The following MEF2D variants were observed in gnomAD, a reference collection of about 807,000 sequenced individuals.
MEF2D encodes the protein myocyte-specific enhancer factor 2D.
Under a neutral mutation model 59.3 loss-of-function variants are expected in MEF2D, and 10 were observed. The observed-to-expected ratio is 0.17, with a 90% CI of 0.10 to 0.29. MEF2D has a LOEUF of 0.29. MEF2D is among the 10% of genes least tolerant of loss of function. The pLI, the probability that MEF2D is intolerant of heterozygous loss-of-function variation, is 1.00. For synonymous variants in MEF2D, 305 were observed against 295.0 expected (o/e 1.03, Z -0.35); for missense variants, 508 against 699.4 (o/e 0.73, Z 3.09).
rs150050524 is a variant in MEF2D, at chr1:156,479,627, T to C, written c.566A>G (p.Asn189Ser). ...CTGGGGCAGGCCAGGAGACACACTG[T>C]TCCTCTGTAGTGCTGGCTGCTGGGG... Reference protein sequence around the residue: ...LSPQQPALQRNSVSPGLPQRP... With the variant: ...LSPQQPALQRSSVSPGLPQRP... Residue 189 changes from asparagine (N) to serine (S), a missense_variant, in exon 5 of 12, where the codon AAC becomes AGC. Coordinates refer to ENST00000348159, the MANE Select transcript of MEF2D (RefSeq NM_005920.4). The C allele has an allele frequency of 5.2e-6, 8 of 1,552,922 alleles. No homozygotes were observed. The highest frequency in any genetic ancestry group is 2.4e-5 in the East Asian group (1 of 41,338).
chr1:156,470,886 G>A (rs371744827), intron 9 of MEF2D, among the ~76,000 whole-genome samples: 1 of 152,162 alleles, frequency 6.6e-6, no homozygotes, highest in African/African-American at 2.4e-5. Flanking sequence ...TCCAAGTCAT[G>A]GAGAAAGCCA....
intron 6 of MEF2D, 38 bp from the exon 7 acceptor site, chr1:156,477,240 T>C (rs368965150): frequency 9.7e-6 from 15 of 1,541,378 alleles, no homozygotes; most frequent in Middle Eastern, 1.8e-4. Flanking sequence ...AGGAAAAACA[T>C]GGGCCTATCC....
At chr1:156,482,020 A>G (rs1672054606) in intron 3 of MEF2D, among the ~76,000 whole-genome samples, 1 of 152,278 alleles carries the variant, frequency 6.6e-6, no homozygotes, top group Admixed American at 6.5e-5. Context: ...AGACAGAGAC[A>G]GCAGGAGAGA....
At chr1:156,493,195 A>G (rs1672917355) in intron 1 of MEF2D, among the ~76,000 whole-genome samples, 1 of 152,156 alleles carries the variant, frequency 6.6e-6, no homozygotes, top group Non-Finnish European at 1.5e-5. Flanking sequence ...AAAGAGTCCA[A>G]GGCCTGGGCC....
intron 9 of MEF2D, 120 bp from the exon 10 acceptor site, chr1:156,469,140 G>A: frequency 1.5e-6 from 2 of 1,339,648 alleles, no homozygotes; most frequent in Admixed American, 2.7e-5. Flanking sequence ...AATGACAGAT[G>A]TAAGGAATTC....
intron 2 of MEF2D, 77 bp from the exon 3 acceptor site, chr1:156,482,717 G>A: frequency 7.3e-7 from 1 of 1,366,252 alleles, no homozygotes; most frequent in Non-Finnish European, 1.0e-6. Context: ...ACAGATGGCT[G>A]GACATAGCCC....
chr1:156,480,347 C>G (rs1032684046), intron 4 of MEF2D, among the ~76,000 whole-genome samples: 11 of 152,216 alleles, frequency 7.2e-5, no homozygotes, highest in East Asian at 1.9e-4. Context: ...GCCTCTCCCC[C>G]CAAAAAAACA....
Position 156,479,735 on chromosome 1 carries a change from G to A in MEF2D, c.458C>T (p.Ser153Leu). 6.4e-7 allele frequency: 1 copy of A among 1,551,744 alleles called. No homozygotes were observed. The highest frequency in any genetic ancestry group is 8.7e-7 in the Non-Finnish European group (1 of 1,146,994). Residue 153 changes from serine (S) to leucine (L), a missense_variant, in exon 5 of 12, where the codon TCA becomes TTA. Physicochemically the swap from Ser to Leu is moderately radical, Grantham distance 145. Coordinates refer to ENST00000348159, the MANE Select transcript of MEF2D (RefSeq NM_005920.4). ...GCCGCTGGGATTGCTGAACTGCAGT[G>A]AGCTCTGATTGGACACGGGCACCGT... is the stretch of plus-strand genomic sequence containing the variant. Reference protein sequence around the residue: ...PVTVPVSNQSSLQFSNPSGSL... With the variant: ...PVTVPVSNQSLLQFSNPSGSL...
At chr1:156,492,087 T>A (rs1477764863) in intron 1 of MEF2D, among the ~76,000 whole-genome samples, 1 of 152,208 alleles carries the variant, frequency 6.6e-6, no homozygotes. Flanking sequence ...TACAGGAGTT[T>A]GGTAAGATTC....
At position 156,467,435 on chromosome 1, in the gene MEF2D, T is replaced by C. The variant is rs747225123; in HGVS notation, c.*210A>G. On this transcript the variant is annotated 3_prime_UTR_variant, in exon 12 of 12. Coordinates refer to ENST00000348159, the MANE Select transcript of MEF2D (RefSeq NM_005920.4). ...GGTACAGAAAGAGGGGATGAGAGCA[T>C]CCCCCTCTCCAAAGCGAGAATCCAA... 6.4e-4 allele frequency: 141 copies of C among 220,972 alleles called. 1 individual carries two copies. The highest frequency in any genetic ancestry group is 9.7e-4 in the Non-Finnish European group (111 of 113,858). The allele number at this position is 220,972 out of a possible 1,614,324, so 13.7% of individuals were successfully genotyped here. A position where few individuals can be genotyped will look rare whatever the true frequency, so the allele number is the denominator to read the frequency against.
At chr1:156,494,048 G>A (rs1462481146) in intron 1 of MEF2D, among the ~76,000 whole-genome samples, 1 of 152,156 alleles carries the variant, frequency 6.6e-6, no homozygotes, top group Non-Finnish European at 1.5e-5. Context: ...GTTAAGGAGA[G>A]AGGTGACAGG....
intron 3 of MEF2D, 22 bp downstream of exon 3, chr1:156,482,415 G>A (rs1481815832): frequency 6.2e-7 from 1 of 1,612,974 alleles, no homozygotes. Flanking sequence ...GTATATCCTG[G>A]TGCCTGTGTG....
intron 1 of MEF2D, among the ~76,000 whole-genome samples, chr1:156,499,760 G>A (rs904597520): frequency 2.0e-5 from 3 of 152,088 alleles, no homozygotes; most frequent in Non-Finnish European, 4.4e-5. Flanking sequence ...TCTCCAGTTG[G>A]GGTTACTGAC....
chr1:156,473,880 G>A (rs116634318), intron 9 of MEF2D, among the ~76,000 whole-genome samples: 1,677 of 151,976 alleles, frequency 0.011, 34 homozygotes, highest in African/African-American at 0.039. Flanking sequence ...TTCCCCCTCC[G>A]CCTTGCCCTG....
intron 4 of MEF2D, chr1:156,480,517 G>T: frequency 1.1e-6 from 1 of 942,788 alleles, no homozygotes; most frequent in East Asian, 2.7e-5. Context: ...AAGGTCAGAG[G>T]TTCCTCAGTG....
Position 156,492,743 on chromosome 1 carries a change from C to T in MEF2D, c.-139+7743G>A, listed in dbSNP as rs181479986. ...TTGGGACGGTTAGTGTGTCACCTTC[C>T]ACCTCCCCAACACAACTTCCCTCTG... On this transcript the variant is annotated intron_variant, in intron 1 of 11. Coordinates refer to ENST00000348159, the MANE Select transcript of MEF2D (RefSeq NM_005920.4). Among the ~76,000 whole-genome samples, 446 of 152,272 alleles carry T rather than the reference C, an allele frequency of 2.9e-3. 3 individuals are homozygous for T. Among genetic ancestry groups the T allele is most frequent in the African/African-American group, 0.01 (430 of 41,540 alleles).
Position 156,468,053 on chromosome 1 carries a change from G to T in MEF2D, c.1494C>A (p.Arg498=). ...GDFGPTLGLL[R]PAPEPEAEGS... ...CCTCAGCCTCAGGCTCTGGGGCTGG[G>T]CGCAGCAGGCCCAGTGTGGGCCCGA... is the stretch of plus-strand genomic sequence containing the variant. Residue 498 remains arginine (R), a synonymous_variant, in exon 11 of 12, where the codon CGC becomes CGA. Coordinates refer to ENST00000348159, the MANE Select transcript of MEF2D (RefSeq NM_005920.4). This position sits in a 1 kb window ranked among gnomAD's most constrained non-coding sequence, Gnocchi z 4.3. 8.7e-6 allele frequency: 14 copies of T among 1,614,030 alleles called. No individual in the cohort carries two copies. Among genetic ancestry groups the T allele is most frequent in the Non-Finnish European group, 1.2e-5 (14 of 1,179,986 alleles).
At chr1:156,485,855 T>TC (rs1207542078) in intron 1 of MEF2D, among the ~76,000 whole-genome samples, 1 of 151,340 alleles carries the variant, frequency 6.6e-6, no homozygotes. Context: ...ACTTTTTTTT[T>TC]CTTTTTTTTT....
At chr1:156,485,366 C>A (rs990813311) in intron 1 of MEF2D, among the ~76,000 whole-genome samples, 2 of 152,108 alleles carry the variant, frequency 1.3e-5, no homozygotes, top group Non-Finnish European at 2.9e-5. Flanking sequence ...GGCAAGGAAT[C>A]TATCAATTTG....
Sources: allele counts gnomAD v4.1 joint callset (sites outside exome capture counted in the v4.1 genomes callset), GRCh38; gene constraint gnomAD v4.1.1; non-coding constraint Gnocchi (gnomAD v3.1); transcripts MANE v1.5; gene names NCBI Gene and HGNC (gene_info 2026-07-23, HGNC 2026-07-21).